PMM2: variants seen among roughly 807,000 people sequenced by gnomAD.
PMM2 encodes mannose-6-phosphate isomerase.
In PMM2, 35 loss-of-function variants were observed where a neutral mutation model predicts 33.2. The ratio of observed to expected loss-of-function variants is 1.06; its 90% CI spans 0.81 to 1.40. The LOEUF (loss-of-function observed/expected upper bound fraction) is 1.40, where lower values mean the gene tolerates loss of function less well. Among genes scored for constraint, PMM2 ranks in the 40% most tolerant of loss-of-function variants. The pLI is 0.00. For synonymous variants in PMM2, 153 were observed against 114.7 expected (o/e 1.33, Z -2.13); for missense variants, 386 against 306.0 (o/e 1.26, Z -1.95).
chr16:8,836,822 A>G (rs1371973632), intron 7 of PMM2, among the ~76,000 whole-genome samples: 2 of 152,032 alleles, frequency 1.3e-5, no homozygotes. Context: ...GGATTTTTAT[A>G]TTTGATGAAA....
chr16:8,835,560 G>A (rs2060840286), intron 7 of PMM2, among the ~76,000 whole-genome samples: 1 of 152,038 alleles, frequency 6.6e-6, no homozygotes, highest in Non-Finnish European at 1.5e-5. Flanking sequence ...TTGAGGACAG[G>A]AGAGTATATG....
At chr16:8,845,187 T>G (rs2060917278) in intron 7 of PMM2, among the ~76,000 whole-genome samples, 1 of 152,058 alleles carries the variant, frequency 6.6e-6, no homozygotes, top group Admixed American at 6.6e-5. Flanking sequence ...GGCGGTGAAG[T>G]TAAGAGCAAT....
intron 1 of PMM2, among the ~76,000 whole-genome samples, chr16:8,798,191 T>G (rs2060590674): frequency 6.6e-6 from 1 of 152,192 alleles, no homozygotes; most frequent in South Asian, 2.1e-4. Flanking sequence ...AGGAAACTTG[T>G]GCTAGGTTGG....
chr16:8,815,559 C>G (rs749837306), intron 7 of PMM2, among the ~76,000 whole-genome samples: 32 of 135,856 alleles, frequency 2.4e-4, no homozygotes, highest in Non-Finnish European at 4.0e-4. Flanking sequence ...TTGATCCATT[C>G]TTCTGTCAGT....
intron 3 of PMM2, 84 bp downstream of exon 3, chr16:8,804,927 A>G (rs992939443): frequency 1.2e-6 from 1 of 842,744 alleles, no homozygotes; most frequent in Non-Finnish European, 2.0e-6. Context: ...CTCTAGGAAG[A>G]TGAGGAACGG....
intron 7 of PMM2, among the ~76,000 whole-genome samples, chr16:8,845,380 G>C (rs1458984858): frequency 2.0e-5 from 3 of 152,140 alleles, no homozygotes; most frequent in Admixed American, 6.5e-5. Flanking sequence ...TGGATCTTTA[G>C]TTACTTCAGG....
At chr16:8,818,562 T>A (rs1318937640) in intron 7 of PMM2, among the ~76,000 whole-genome samples, 2 of 152,212 alleles carry the variant, frequency 1.3e-5, no homozygotes, top group Non-Finnish European at 2.9e-5. Flanking sequence ...TCCAGGGAAG[T>A]GATCCTGAGC....
chr16:8,841,421 A>G (rs1308627655), intron 7 of PMM2, among the ~76,000 whole-genome samples: 1 of 148,788 alleles, frequency 6.7e-6, no homozygotes, highest in African/African-American at 2.5e-5. Flanking sequence ...GACTCGGGGC[A>G]TGTTGAGTGA....
chr16:8,849,253 ATCTT>A lies in PMM2; in HGVS notation c.*1431_*1434del, dbSNP rs1289086724. 2 of 152,314 alleles carry A rather than the reference ATCTT, an allele frequency of 1.3e-5. No homozygotes were observed. The highest frequency in any genetic ancestry group is 4.8e-5 in the African/African-American group (2 of 41,476). The allele number at this position is 152,314 out of a possible 1,614,324, so 9.4% of individuals were successfully genotyped here. ...TCACAGGACACAGCCATCCAGCGGC[ATCTT>A]TCCTTGTCGAATGATACTGTAATGA... On this transcript the variant is annotated 3_prime_UTR_variant, in exon 8 of 8. Coordinates refer to ENST00000268261, the MANE Select transcript of PMM2 (RefSeq NM_000303.3).
chr16:8,819,459 A>G (rs1386126783), intron 7 of PMM2, among the ~76,000 whole-genome samples: 1 of 152,178 alleles, frequency 6.6e-6, no homozygotes, highest in Non-Finnish European at 1.5e-5. Context: ...CAGGAGAGAG[A>G]ATTGCCACCT....
chr16:8,815,699 A>G (rs2060704195), intron 7 of PMM2, among the ~76,000 whole-genome samples: 1 of 152,176 alleles, frequency 6.6e-6, no homozygotes. Flanking sequence ...AGACTTAAAC[A>G]CAGGACCTGA....
intron 7 of PMM2, among the ~76,000 whole-genome samples, chr16:8,826,786 A>AT (rs1334306981): frequency 2.6e-5 from 4 of 152,022 alleles, no homozygotes; most frequent in African/African-American, 4.8e-5. Context: ...TCATTTGCTG[A>AT]TTTTTTAGGG....
chr16:8,814,331 C>CA (rs960649081), intron 7 of PMM2, among the ~76,000 whole-genome samples: 10 of 152,174 alleles, frequency 6.6e-5, no homozygotes, highest in African/African-American at 2.2e-4. Context: ...GCCTCCCTCC[C>CA]ACATGCAGGC....
chr16:8,846,224 G>A (rs982888553), intron 7 of PMM2, among the ~76,000 whole-genome samples: 4 of 152,148 alleles, frequency 2.6e-5, no homozygotes, highest in Non-Finnish European at 4.4e-5. Context: ...CTGGGGATAG[G>A]TTCTTGCAAA....
rs750545597 is a variant in PMM2, at chr16:8,849,177, G to T, written c.*1352G>T. The T allele has an allele frequency of 6.6e-6, 1 of 151,582 alleles. No homozygotes were observed. The highest frequency in any genetic ancestry group is 2.1e-4 in the South Asian group (1 of 4,832). The allele number at this position is 151,582 out of a possible 1,614,324, so 9.4% of individuals were successfully genotyped here. On this transcript the variant is annotated 3_prime_UTR_variant, in exon 8 of 8. Coordinates refer to ENST00000268261, the MANE Select transcript of PMM2 (RefSeq NM_000303.3). ...CTCCCAGCCACTCGGGCTTGTAACT[G>T]TCTGAGCCCCGGATCCGGTGGGGTG...
intron 7 of PMM2, among the ~76,000 whole-genome samples, chr16:8,815,872 C>G (rs1017644406): frequency 2.0e-5 from 3 of 151,902 alleles, no homozygotes; most frequent in Non-Finnish European, 4.4e-5. Flanking sequence ...AAGCAACCTA[C>G]AGAGGGGAAG....
intron 7 of PMM2, among the ~76,000 whole-genome samples, chr16:8,840,530 C>T (rs548297419): frequency 6.6e-6 from 1 of 152,028 alleles, no homozygotes; most frequent in East Asian, 1.9e-4. Flanking sequence ...TCGTAAAGCC[C>T]TGTTGCAAAA....
intron 4 of PMM2, 135 bp from the exon 5 acceptor site, chr16:8,810,944 A>G (rs1285949167): frequency 8.5e-6 from 6 of 701,962 alleles, no homozygotes; most frequent in African/African-American, 1.8e-5. Flanking sequence ...ACCATATTAC[A>G]TAGCACAGAG....
chr16:8,807,953 T>G (rs537641801), intron 4 of PMM2: 2 of 152,326 alleles, frequency 1.3e-5, no homozygotes, highest in South Asian at 4.1e-4. Context: ...CAGTGGCTAT[T>G]TCTTGATGGT....
Sources: allele counts gnomAD v4.1 joint callset (sites outside exome capture counted in the v4.1 genomes callset), GRCh38; gene constraint gnomAD v4.1.1; transcripts MANE v1.5; gene names NCBI Gene and HGNC (gene_info 2026-07-23, HGNC 2026-07-21).